Variants in TEDDM1 observed in about 807,000 individuals in gnomAD.
TEDDM1 encodes epididymal protein 9.
For missense variants in TEDDM1, 344 were observed against 318.9 expected (o/e 1.08, Z -0.60); for synonymous variants, 126 against 128.0 (o/e 0.98, Z 0.11).
chr1:182,399,352 C>T lies in TEDDM1; in HGVS notation c.*312G>A, dbSNP rs755297123. On this transcript the variant is annotated 3_prime_UTR_variant, in exon 1 of 1. Transcript: ENST00000367565. ...CTCAGGGACAGAAAATGCACCAGCACGGGCATGGTGGCAGGCTCCTGTAAT... is the reference window on the plus strand; with the variant it reads ...CTCAGGGACAGAAAATGCACCAGCATGGGCATGGTGGCAGGCTCCTGTAAT... 1.8e-5 allele frequency: 6 copies of T among 332,104 alleles called. No individual in the cohort carries two copies. The highest frequency in any genetic ancestry group is 3.3e-5 in the Non-Finnish European group (6 of 182,336). The allele number at this position is 332,104 out of a possible 1,614,324, so 20.6% of individuals were successfully genotyped here.
chr1:182,400,583 G>T lies in TEDDM1; in HGVS notation c.-98C>A. 1 of 1,004,222 alleles carries T rather than the reference G, an allele frequency of 1.0e-6. No individual in the cohort carries two copies. The highest frequency in any genetic ancestry group is 1.4e-6 in the Non-Finnish European group (1 of 690,392). The allele number at this position is 1,004,222 out of a possible 1,614,324, so 62.2% of individuals were successfully genotyped here. ...GGACTTTCCCATGGAATACAGGCCT[G>T]TCCGACTGAAGCGTGAAGAGCAATA... On this transcript the variant is annotated 5_prime_UTR_variant, in exon 1 of 1. Coordinates refer to ENST00000367565, the MANE Select transcript of TEDDM1 (RefSeq NM_172000.4).
Position 182,399,857 on chromosome 1 carries a change from G to T in TEDDM1, c.629C>A (p.Ala210Asp), listed in dbSNP as rs962512452. The change falls in exon 1 of 1, where the codon GCC becomes GAC. Residue 210 changes from alanine (A) to aspartate (D), a missense_variant. Ala to Asp is a moderately radical substitution (Grantham distance 126, BLOSUM62 -2). Transcript: ENST00000367565. ...GCCATAGATTCCCAACAGGAATGAG[G>T]CATTGATCATCACATGCCAGCAGAA... ...TFFCWHVMIN[A>D]SFLLGIYGFS... is the part of the protein sequence containing the mutation. 8 of 1,614,170 alleles carry T rather than the reference G, an allele frequency of 5.0e-6. No homozygotes were observed. The highest frequency in any genetic ancestry group is 6.8e-6 in the Non-Finnish European group (8 of 1,180,040).
chr1:182,399,213 CT>C lies in TEDDM1; in HGVS notation c.*450del. The C allele has an allele frequency of 5.8e-6, 1 of 173,058 alleles. No individual in the cohort carries two copies. The highest frequency in any genetic ancestry group is 1.3e-5 in the Non-Finnish European group (1 of 79,502). The allele number at this position is 173,058 out of a possible 1,614,324, so 10.7% of individuals were successfully genotyped here. ...TTGTTGCATTCTCTTCCCCCAGTGG[CT>C]TTTCTTGCACACTAAGAAGAAGTGT... is the stretch of plus-strand genomic sequence containing the variant. On this transcript the variant is annotated 3_prime_UTR_variant, in exon 1 of 1. Transcript: ENST00000367565.
In TEDDM1 at chr1:182,399,456, A is replaced by G. The variant is rs1650639689; in HGVS notation, c.*208T>C. ...GGTTGCACTGAGCTGAGATTGTGCC[A>G]TTGCACTCCAGGCTGGGCAACAGAG... is the stretch of plus-strand genomic sequence containing the variant. On this transcript the variant is annotated 3_prime_UTR_variant, in exon 1 of 1. Coordinates refer to ENST00000367565, the MANE Select transcript of TEDDM1 (RefSeq NM_172000.4). 1 of 579,630 alleles carries G rather than the reference A, an allele frequency of 1.7e-6. No individual in the cohort carries two copies. Among genetic ancestry groups the G allele is most frequent in the East Asian group, 2.9e-5 (1 of 34,866 alleles). 35.9% of individuals were successfully genotyped at this position (579,630 alleles called of 1,614,324 possible).
chr1:182,398,824 A>G lies in TEDDM1; in HGVS notation c.*840T>C, dbSNP rs906360853. 3 of 152,256 alleles carry G rather than the reference A, an allele frequency of 2.0e-5. No homozygotes were observed. Among genetic ancestry groups the G allele is most frequent in the Admixed American group, 2.0e-4 (3 of 15,290 alleles). The allele number at this position is 152,256 out of a possible 1,614,324, so 9.4% of individuals were successfully genotyped here. A position where few individuals can be genotyped will look rare whatever the true frequency, so the allele number is the denominator to read the frequency against. ...AAAAATGCTATAGCAGTTGAATTCTATACAAATTTAAATTATGGAAATTTG... is the reference window on the plus strand; with the variant it reads ...AAAAATGCTATAGCAGTTGAATTCTGTACAAATTTAAATTATGGAAATTTG... On this transcript the variant is annotated 3_prime_UTR_variant, in exon 1 of 1. Transcript: ENST00000367565.
Position 182,399,731 on chromosome 1 carries a change from A to G in TEDDM1, c.755T>C (p.Leu252Ser). ...CTCTGACTGCTCCACTTCCTGTAGC[A>G]ACTTGTAGAGGGGTCCTGGAGTGCT... is the stretch of plus-strand genomic sequence containing the variant. ...YASTPGPLYK[L>S]LQEVEQSEKE... Residue 252 changes from leucine to serine, a missense_variant, in exon 1 of 1, where the codon TTG becomes TCG. By Grantham distance (145) the Leu-to-Ser change is moderately radical. Transcript: ENST00000367565. 1.2e-6 allele frequency: 2 copies of G among 1,614,086 alleles called. No homozygotes were observed. Among genetic ancestry groups the G allele is most frequent in the Non-Finnish European group, 1.7e-6 (2 of 1,180,006 alleles).
rs1650674565 is a variant in TEDDM1 at position 182,400,618 on chromosome 1, T to A, written c.-133A>T. On this transcript the variant is annotated 5_prime_UTR_variant, in exon 1 of 1. Transcript: ENST00000367565. Reference sequence around the variant, plus strand: ...AGCGTGAAGAGCAATACTCAGGACCTCTCTGCTCTCCTCTCCCTCACAGGC... The same window carrying A: ...AGCGTGAAGAGCAATACTCAGGACCACTCTGCTCTCCTCTCCCTCACAGGC... The A allele has an allele frequency of 1.2e-5, 8 of 690,754 alleles. No homozygotes were observed. Among genetic ancestry groups the A allele is most frequent in the Non-Finnish European group, 1.9e-5 (8 of 419,762 alleles). The allele number at this position is 690,754 out of a possible 1,614,324, so 42.8% of individuals were successfully genotyped here. A position where few individuals can be genotyped will look rare whatever the true frequency, so the allele number is the denominator to read the frequency against.
Position 182,399,789 on chromosome 1 carries a change from G to A in TEDDM1, c.697C>T (p.Leu233=), listed in dbSNP as rs572625736. The change falls in exon 1 of 1, where the codon CTG becomes TTG. Residue 233 remains leucine, a synonymous_variant. Transcript: ENST00000367565. ...WYHCFRPSLK[L]TGPKEAPYYA... Reference sequence around the variant, plus strand: ...TATGGAGCTTCTTTGGGCCCAGTCAGCTTCAAGCTGGGTCTGAAACAATGA... The same window carrying A: ...TATGGAGCTTCTTTGGGCCCAGTCAACTTCAAGCTGGGTCTGAAACAATGA... 1.1e-5 allele frequency: 18 copies of A among 1,614,008 alleles called. No individual in the cohort carries two copies. Among genetic ancestry groups the A allele is most frequent in the African/African-American group, 2.7e-5 (2 of 74,896 alleles).
Position 182,400,454 on chromosome 1 carries a change from A to G in TEDDM1, c.32T>C (p.Leu11Ser). 1 of 1,612,294 alleles carries G rather than the reference A, an allele frequency of 6.2e-7. No homozygotes were observed. The highest frequency in any genetic ancestry group is 2.2e-5 in the East Asian group (1 of 44,888). ...TCTTTGCTTATTCCTGGGAGAGCAC[A>G]AAGGATACAGGAGACAACCTTTGAG... MILKGCLLYPLCSPRNKQRCA... is the reference protein window; with the variant it reads MILKGCLLYPSCSPRNKQRCA... The change falls in exon 1 of 1, where the codon TTG becomes TCG. Residue 11 changes from leucine to serine, a missense_variant. Physicochemically the swap from Leu to Ser is moderately radical, Grantham distance 145 (BLOSUM62 -2). Coordinates refer to ENST00000367565, the MANE Select transcript of TEDDM1 (RefSeq NM_172000.4).
At position 182,400,486 on chromosome 1, in the gene TEDDM1, G is replaced by A; in HGVS notation, c.-1C>T. ...ACAGGAGACAACCTTTGAGTATCAT[G>A]CCCTTGGAGACCACTGTGGCCTGAT... is the stretch of plus-strand genomic sequence containing the variant. On this transcript the variant is annotated 5_prime_UTR_variant, in exon 1 of 1. Coordinates refer to ENST00000367565, the MANE Select transcript of TEDDM1 (RefSeq NM_172000.4). The A allele has an allele frequency of 2.5e-6, 4 of 1,598,316 alleles. No homozygotes were observed. The highest frequency in any genetic ancestry group is 3.4e-6 in the Non-Finnish European group (4 of 1,175,332).
chr1:182,399,497 A>G lies in TEDDM1; in HGVS notation c.*167T>C, dbSNP rs1650641747. The G allele has an allele frequency of 7.6e-6, 2 of 264,808 alleles. No individual in the cohort carries two copies. Among genetic ancestry groups the G allele is most frequent in the South Asian group, 1.4e-4 (2 of 14,418 alleles). 16.4% of individuals were successfully genotyped at this position (264,808 alleles called of 1,614,324 possible). ...GGCAACAGAGCGAGACTCTGTCTCA[A>G]AAAAAAAAAAAAAGAAAAGAGAAGA... On this transcript the variant is annotated 3_prime_UTR_variant, in exon 1 of 1. Coordinates refer to ENST00000367565, the MANE Select transcript of TEDDM1 (RefSeq NM_172000.4).
chr1:182,400,208 G>A lies in TEDDM1; in HGVS notation c.278C>T (p.Pro93Leu), dbSNP rs951341552. 3 of 1,614,128 alleles carry A rather than the reference G, an allele frequency of 1.9e-6. No individual in the cohort carries two copies. The East Asian group carries it at 6.7e-5, about 36-fold the overall frequency. The change falls in exon 1 of 1, where the codon CCT becomes CTT. Residue 93 changes from proline (P) to leucine (L), a missense_variant. By Grantham distance (98) the Pro-to-Leu change is moderately conservative. Coordinates refer to ENST00000367565, the MANE Select transcript of TEDDM1 (RefSeq NM_172000.4). ...TTTTTCTAGGCCCACACACCTCTGA[G>A]GCAGCACATTCTTGCTCATGAAGTC... Reference protein sequence around the residue: ...CVDFMSKNVLPQRCVGLEKGT... With the variant: ...CVDFMSKNVLLQRCVGLEKGT...
chr1:182,400,163 A>T lies in TEDDM1; in HGVS notation c.323T>A (p.Ile108Asn), dbSNP rs1159379594. Residue 108 changes from isoleucine (I) to asparagine (N), a missense_variant, in exon 1 of 1, where the codon ATC becomes AAC. Transcript: ENST00000367565. ...GLEKGTLVLIIYELLLLMVSH... is the reference protein window; with the variant it reads ...GLEKGTLVLINYELLLLMVSH... Reference sequence around the variant, plus strand: ...CACCATCAGCAGCAGGAGCTCGTAGATGATCAGGACCAGGGTACCTTTTTC... The same window carrying T: ...CACCATCAGCAGCAGGAGCTCGTAGTTGATCAGGACCAGGGTACCTTTTTC... The T allele has an allele frequency of 1.9e-6, 3 of 1,614,096 alleles. No individual in the cohort carries two copies. The highest frequency in any genetic ancestry group is 2.2e-5 in the South Asian group (2 of 91,078).
Position 182,399,935 on chromosome 1 carries a change from C to T in TEDDM1, c.551G>A (p.Gly184Asp). 2 of 1,614,054 alleles carry T rather than the reference C, an allele frequency of 1.2e-6. No homozygotes were observed. Among genetic ancestry groups the T allele is most frequent in the Non-Finnish European group, 1.7e-6 (2 of 1,179,998 alleles). ...GATGTCATCGTCCTGCCATGGGTAG[C>T]CAGAGACGGGTCTGTATAGAATAAA... ...AGFILYRPVS[G>D]YPWQDDDISD... Residue 184 changes from glycine (G) to aspartate (D), a missense_variant, in exon 1 of 1, where the codon GGC becomes GAC. Physicochemically the swap from Gly to Asp is moderately conservative, Grantham distance 94. Transcript: ENST00000367565.
chr1:182,398,626 G>GTGAC lies in TEDDM1; in HGVS notation c.*1034_*1037dup. 6.6e-6 allele frequency: 1 copy of GTGAC among 152,324 alleles called. No individual in the cohort carries two copies. Among genetic ancestry groups the GTGAC allele is most frequent in the African/African-American group, 2.4e-5 (1 of 41,564 alleles). The allele number at this position is 152,324 out of a possible 1,614,324, so 9.4% of individuals were successfully genotyped here. On this transcript the variant is annotated 3_prime_UTR_variant, in exon 1 of 1. Coordinates refer to ENST00000367565, the MANE Select transcript of TEDDM1 (RefSeq NM_172000.4). ...GGGAATCGAATAACATGGTAAATAT[G>GTGAC]TGACTGTAGGATGACTGGCTGTGAT... is the stretch of plus-strand genomic sequence containing the variant.
chr1:182,400,609 C>T lies in TEDDM1; in HGVS notation c.-124G>A. Reference sequence around the variant, plus strand: ...TCCGACTGAAGCGTGAAGAGCAATACTCAGGACCTCTCTGCTCTCCTCTCC... The same window carrying T: ...TCCGACTGAAGCGTGAAGAGCAATATTCAGGACCTCTCTGCTCTCCTCTCC... On this transcript the variant is annotated 5_prime_UTR_variant, in exon 1 of 1. Transcript: ENST00000367565. 1.4e-6 allele frequency: 1 copy of T among 718,352 alleles called. No homozygotes were observed. Among genetic ancestry groups the T allele is most frequent in the Non-Finnish European group, 2.3e-6 (1 of 442,668 alleles). 44.5% of individuals were successfully genotyped at this position (718,352 alleles called of 1,614,324 possible).
In TEDDM1 at chr1:182,400,031, T is replaced by C; in HGVS notation, c.455A>G (p.Asn152Ser). The C allele has an allele frequency of 6.2e-7, 1 of 1,614,080 alleles. No homozygotes were observed. Among genetic ancestry groups the C allele is most frequent in the Non-Finnish European group, 8.5e-7 (1 of 1,180,008 alleles). The change falls in exon 1 of 1, where the codon AAC becomes AGC. Residue 152 changes from asparagine (N) to serine (S), a missense_variant. Coordinates refer to ENST00000367565, the MANE Select transcript of TEDDM1 (RefSeq NM_172000.4). ...CTCCATCAGCTGGAGATGACACATG[T>C]TGGGAGCCCACAGCTCTGCAGTCAA... ...LVLTAELWAP[N>S]MCHLQLMETF...
In TEDDM1 at chr1:182,398,613, A is replaced by G. The variant is rs1650621080; in HGVS notation, c.*1051T>C. On this transcript the variant is annotated 3_prime_UTR_variant, in exon 1 of 1. Transcript: ENST00000367565. ...GTAGGTTTATTCTGGGAATCGAATA[A>G]CATGGTAAATATGTGACTGTAGGAT... 1 of 152,236 alleles carries G rather than the reference A, an allele frequency of 6.6e-6. No individual in the cohort carries two copies. The allele number at this position is 152,236 out of a possible 1,614,324, so 9.4% of individuals were successfully genotyped here. A position where few individuals can be genotyped will look rare whatever the true frequency, so the allele number is the denominator to read the frequency against.
At position 182,398,883 on chromosome 1, in the gene TEDDM1, A is replaced by G. The variant is rs541934903; in HGVS notation, c.*781T>C. 1.3e-5 allele frequency: 2 copies of G among 152,256 alleles called. No individual in the cohort carries two copies. Among genetic ancestry groups the G allele is most frequent in the Non-Finnish European group, 2.9e-5 (2 of 68,048 alleles). 9.4% of individuals were successfully genotyped at this position (152,256 alleles called of 1,614,324 possible). A position where few individuals can be genotyped will look rare whatever the true frequency, so the allele number is the denominator to read the frequency against. On this transcript the variant is annotated 3_prime_UTR_variant, in exon 1 of 1. Coordinates refer to ENST00000367565, the MANE Select transcript of TEDDM1 (RefSeq NM_172000.4). ...TTAAGTATTTAAAAAGTCTCACTTT[A>G]TATGTAAAGTTTGAAATGAAGCCAA... is the stretch of plus-strand genomic sequence containing the variant.
Sources: allele counts gnomAD v4.1 joint callset, GRCh38; gene constraint gnomAD v4.1.1; transcripts MANE v1.5; gene names NCBI Gene and HGNC (gene_info 2026-07-23, HGNC 2026-07-21).